BORCS5: variants seen among roughly 807,000 people sequenced by gnomAD.
BORCS5 encodes the protein BLOC-1-related complex subunit 5.
Under a neutral mutation model 22.1 loss-of-function variants are expected in BORCS5, and 17 were observed. That is an observed-to-expected ratio of 0.77 (90% CI 0.53 to 1.15). BORCS5 has a LOEUF of 1.15. Among genes scored for constraint, BORCS5 ranks in the 50% most tolerant of loss-of-function variants. BORCS5 has a pLI of 0.00. For missense variants in BORCS5, 247 were observed against 253.2 expected (o/e 0.98, Z 0.17); for synonymous variants, 117 against 99.8 (o/e 1.17, Z -1.03).
Position 12,465,564 on chromosome 12 carries a change from ACT to A in BORCS5, c.382_383del (p.Leu128ValfsTer86), listed in dbSNP as rs754957168. The A allele has an allele frequency of 1.1e-5, 18 of 1,613,984 alleles. No individual in the cohort carries two copies. Among genetic ancestry groups the A allele is most frequent in the East Asian group, 2.2e-5 (1 of 44,894 alleles). Reference sequence around the variant, plus strand: ...TCCACAGATGGATCTGTCTGTAGAAACTCTGTTCAGCTTCATGCAGGAGCGCC... The same window carrying A: ...TCCACAGATGGATCTGTCTGTAGAAACTGTTCAGCTTCATGCAGGAGCGCC... ...RIKEMDLSVE[T>X]LFSFMQERQK... On this transcript the variant is annotated frameshift_variant, in exon 4 of 4. Transcript: ENST00000314565. LOFTEE classifies it high-confidence loss of function.
At chr12:12,413,718 C>A (rs1941811147) in intron 2 of BORCS5, among the ~76,000 whole-genome samples, 2 of 112,874 alleles carry the variant, frequency 1.8e-5, no homozygotes, top group Admixed American at 8.0e-5. Context: ...GCTGACCCCC[C>A]CACCATCCTC....
rs946343462 is a variant in BORCS5, at chr12:12,456,751, G to C, written c.361-8795G>C. 7.2e-5 allele frequency among the ~76,000 whole-genome samples: 11 copies of C among 151,946 alleles called. No homozygotes were observed. The East Asian group carries it at 2.1e-3, about 29-fold the overall frequency. On this transcript the variant is annotated intron_variant, in intron 3 of 3. Coordinates refer to ENST00000314565, the MANE Select transcript of BORCS5 (RefSeq NM_058169.6). ...GACTTGTAGGTAAATAATGATTTCA[G>C]TTATTACGTAGTGCGAAATGATTCT...
At chr12:12,447,023 C>T (rs115916069) in intron 3 of BORCS5, among the ~76,000 whole-genome samples, 1,973 of 152,256 alleles carry the variant, frequency 0.013, 36 homozygotes, top group African/African-American at 0.044. Flanking sequence ...GTGATGGTTT[C>T]TTCCTGTATC....
chr12:12,424,821 A>G (rs746075750), intron 2 of BORCS5, among the ~76,000 whole-genome samples: 7 of 152,178 alleles, frequency 4.6e-5, no homozygotes, highest in African/African-American at 7.2e-5. Flanking sequence ...CATGCATAGC[A>G]ACTTTCTAAT....
rs377260167 is a variant in BORCS5, at chr12:12,379,599, A to G, written c.202+18250A>G. Among the ~76,000 whole-genome samples the G allele has an allele frequency of 1.4e-4, 21 of 151,698 alleles. No individual in the cohort carries two copies. In the East Asian group the frequency reaches 1.7e-3, roughly 13 times the overall value. On this transcript the variant is annotated intron_variant, in intron 2 of 3. Transcript: ENST00000314565. The stretch of plus-strand genomic sequence containing the variant: ...CTACCCGACAGAGCTTTTAAGATCC[A>G]CTAAAGCCCATTAAGCAATCCACTA...
intron 3 of BORCS5, among the ~76,000 whole-genome samples, chr12:12,457,717 G>A (rs1943024566): frequency 6.6e-6 from 1 of 152,184 alleles, no homozygotes; most frequent in Admixed American, 6.5e-5. Context: ...GTCTAAACAG[G>A]TCATTTGCAG....
At chr12:12,427,142 G>A (rs1336989523) in intron 2 of BORCS5, among the ~76,000 whole-genome samples, 1 of 150,552 alleles carries the variant, frequency 6.6e-6, no homozygotes, top group Non-Finnish European at 1.5e-5. Context: ...TCCAAGTTGG[G>A]AAGATGGTTT....
chr12:12,458,792 G>A (rs1943046895), intron 3 of BORCS5, among the ~76,000 whole-genome samples: 1 of 151,454 alleles, frequency 6.6e-6, no homozygotes, highest in Admixed American at 6.6e-5. Context: ...CTAACACGGT[G>A]AAACCCCATC....
chr12:12,463,810 A>C (rs948327528), intron 3 of BORCS5, among the ~76,000 whole-genome samples: 1 of 152,194 alleles, frequency 6.6e-6, no homozygotes, highest in Non-Finnish European at 1.5e-5. Context: ...TCAGGTGTGA[A>C]TCGGGGATGG....
chr12:12,379,840 A>C lies in BORCS5; in HGVS notation c.202+18491A>C, dbSNP rs1303235090. Among the ~76,000 whole-genome samples the C allele has an allele frequency of 2.6e-5, 4 of 151,344 alleles. 1 individual carries two copies. The highest frequency in any genetic ancestry group is 1.9e-4 in the East Asian group (1 of 5,190). The stretch of plus-strand genomic sequence containing the variant: ...TTCCCTTTAAGAACTTGTCCTTTGC[A>C]TTCACAGCTTGGCAAACTGGTGCAA... On this transcript the variant is annotated intron_variant, in intron 2 of 3. Transcript: ENST00000314565.
At chr12:12,375,810 TTTG>T (rs59033819) in intron 2 of BORCS5, among the ~76,000 whole-genome samples, 2,323 of 152,140 alleles carry the variant, frequency 0.015, 50 homozygotes, top group African/African-American at 0.044. Flanking sequence ...GTTTTTTTTG[TTTG>T]TTGTTGTTGT....
intron 2 of BORCS5, among the ~76,000 whole-genome samples, chr12:12,430,014 G>T (rs1054202079): frequency 6.6e-6 from 1 of 152,040 alleles, no homozygotes; most frequent in Non-Finnish European, 1.5e-5. Context: ...CAATAGAACT[G>T]CATACTCGTA....
At chr12:12,399,630 C>G (rs977248632) in intron 2 of BORCS5, among the ~76,000 whole-genome samples, 1 of 152,178 alleles carries the variant, frequency 6.6e-6, no homozygotes, top group Non-Finnish European at 1.5e-5. Context: ...TACCACAGAT[C>G]TAGAACTTCT....
At chr12:12,360,996 C>T (rs1247877386) in intron 1 of BORCS5, among the ~76,000 whole-genome samples, 1 of 152,210 alleles carries the variant, frequency 6.6e-6, no homozygotes, top group Non-Finnish European at 1.5e-5. Flanking sequence ...GCTAAGATTA[C>T]ATGCATGAGC....
Position 12,435,571 on chromosome 12 carries a change from A to G in BORCS5, c.203-57A>G, listed in dbSNP as rs1942536902. On this transcript the variant is annotated intron_variant, in intron 2 of 3. Transcript: ENST00000314565. Reference sequence around the variant, plus strand: ...TTCAGTGAACTTGTTAAACTACTTTATTCACAAGTTTATTAGCAGTAATTT... The same window carrying G: ...TTCAGTGAACTTGTTAAACTACTTTGTTCACAAGTTTATTAGCAGTAATTT... 8 of 1,450,194 alleles carry G rather than the reference A, an allele frequency of 5.5e-6. No individual in the cohort carries two copies. In the East Asian group the frequency reaches 1.8e-4, roughly 33 times the overall value. 89.8% of individuals were successfully genotyped at this position (1,450,194 alleles called of 1,614,324 possible).
intron 2 of BORCS5, among the ~76,000 whole-genome samples, chr12:12,392,094 C>G (rs1172484454): frequency 6.7e-6 from 1 of 148,940 alleles, no homozygotes; most frequent in Non-Finnish European, 1.5e-5. Context: ...TGGTGCAGCT[C>G]TAAGTCCAAC....
At chr12:12,395,926 T>C (rs1391362588) in intron 2 of BORCS5, among the ~76,000 whole-genome samples, 1 of 151,888 alleles carries the variant, frequency 6.6e-6, no homozygotes, top group East Asian at 1.9e-4. Context: ...GACGGGGAAA[T>C]AGCCATAGGG....
intron 2 of BORCS5, among the ~76,000 whole-genome samples, chr12:12,384,034 T>C (rs1435709125): frequency 1.3e-5 from 2 of 151,372 alleles, no homozygotes. Flanking sequence ...TTTCCTGCCA[T>C]CCCCAAATTG....
chr12:12,433,058 G>A (rs1056824443), intron 2 of BORCS5, among the ~76,000 whole-genome samples: 8 of 152,086 alleles, frequency 5.3e-5, no homozygotes, highest in African/African-American at 1.9e-4. Context: ...TCTGGGCTGG[G>A]CACAGTGGCT....
Sources: allele counts gnomAD v4.1 joint callset (sites outside exome capture counted in the v4.1 genomes callset), GRCh38; gene constraint gnomAD v4.1.1; transcripts MANE v1.5; gene names NCBI Gene and HGNC (gene_info 2026-07-23, HGNC 2026-07-21).